Variants in SND1 observed in about 807,000 individuals in gnomAD.
The protein encoded by SND1 is staphylococcal nuclease and tudor domain containing 1, also known as staphylococcal nuclease domain-containing protein 1.
A neutral mutation model predicts 121.7 loss-of-function variants in SND1; 38 were observed. That is an observed-to-expected ratio of 0.31 (90% CI 0.24 to 0.41). The LOEUF (loss-of-function observed/expected upper bound fraction) is 0.41, where lower values mean the gene tolerates loss of function less well. SND1 is among the 10% of genes least tolerant of loss of function. SND1 has a pLI of 1.00. For synonymous variants in SND1, 401 were observed against 447.4 expected (o/e 0.90, Z 1.31); for missense variants, 868 against 1,184.6 (o/e 0.73, Z 3.92).
Position 127,701,281 on chromosome 7 carries a change from C to T in SND1, c.547C>T (p.Pro183Ser). Reference protein sequence around the residue: ...IRDLKYTIENPRHFVDSHHQK... With the variant: ...IRDLKYTIENSRHFVDSHHQK... ...GGATCTCAAGTATACCATTGAAAAC[C>T]CAAGGCACTTTGTGGACTCACACCA... Residue 183 changes from proline to serine, a missense_variant, in exon 5 of 24, where the codon CCA becomes TCA. By Grantham distance (74) the Pro-to-Ser change is moderately conservative. Transcript: ENST00000354725. 1.9e-6 allele frequency: 3 copies of T among 1,614,004 alleles called. No individual in the cohort carries two copies. Among genetic ancestry groups the T allele is most frequent in the Non-Finnish European group, 2.5e-6 (3 of 1,179,946 alleles).
intron 15 of SND1, among the ~76,000 whole-genome samples, chr7:127,975,457 G>A (rs1448858816): frequency 7.3e-6 from 1 of 136,970 alleles, no homozygotes; most frequent in Non-Finnish European, 1.6e-5. Flanking sequence ...GTGTGTGTGT[G>A]TAAGAGAGAT....
At chr7:127,707,520 G>A in intron 8 of SND1, 37 bp from the exon 9 acceptor site, 1 of 1,568,978 alleles carries the variant, frequency 6.4e-7, no homozygotes, top group Non-Finnish European at 8.8e-7. Context: ...TCCATTTGCT[G>A]AGTCTGAATG....
chr7:128,077,281 G>A (rs540128304), intron 17 of SND1, among the ~76,000 whole-genome samples: 15 of 152,346 alleles, frequency 9.8e-5, no homozygotes, highest in Admixed American at 9.1e-4. Context: ...CACCTGCCAA[G>A]AGAAGGACCT....
intron 16 of SND1, chr7:127,997,381 C>G (rs535061219): frequency 2.8e-4 from 78 of 274,778 alleles, no homozygotes; most frequent in Non-Finnish European, 5.1e-4. Context: ...GGCATGGATT[C>G]TGATCCTGAA....
intron 10 of SND1, among the ~76,000 whole-genome samples, chr7:127,764,447 A>G (rs1205890170): frequency 6.6e-6 from 1 of 152,182 alleles, no homozygotes; most frequent in Non-Finnish European, 1.5e-5. Flanking sequence ...CTCCATGCTC[A>G]TTAAGTTTGT....
chr7:128,073,937 G>C (rs921750858), intron 16 of SND1, among the ~76,000 whole-genome samples: 1 of 152,154 alleles, frequency 6.6e-6, no homozygotes, highest in East Asian at 1.9e-4. Context: ...TCCTTCTGCG[G>C]GATTGTCACT....
intron 12 of SND1, among the ~76,000 whole-genome samples, chr7:127,879,739 A>G (rs2116714847): frequency 6.6e-6 from 1 of 152,254 alleles, no homozygotes; most frequent in East Asian, 1.9e-4. Flanking sequence ...AAGGGAGTAG[A>G]GGCAGTTTTC....
Position 127,898,565 on chromosome 7 carries a change from A to G in SND1, c.1455-6182A>G, listed in dbSNP as rs139172197. On this transcript the variant is annotated intron_variant, in intron 13 of 23. Transcript: ENST00000354725. ...GATGTCTGTATTTGGTTCATGCTGA[A>G]AAACCATATTCCTCAATGTGACCTG... Among the ~76,000 whole-genome samples, 22 of 152,288 alleles carry G rather than the reference A, an allele frequency of 1.4e-4. No homozygotes were observed. The East Asian group carries it at 1.9e-3, about 13-fold the overall frequency.
chr7:127,889,048 T>G (rs1441920300), intron 13 of SND1, among the ~76,000 whole-genome samples: 1 of 152,106 alleles, frequency 6.6e-6, no homozygotes, highest in Non-Finnish European at 1.5e-5. Flanking sequence ...TCACACAGAA[T>G]GTCAGCCGAG....
chr7:127,941,894 T>G (rs886731578), intron 15 of SND1, among the ~76,000 whole-genome samples: 12 of 144,410 alleles, frequency 8.3e-5, no homozygotes, highest in South Asian at 2.3e-4. Flanking sequence ...AGGGAGTTTT[T>G]TTTTTTTTTT....
chr7:127,753,851 T>C (rs564128525), intron 10 of SND1, among the ~76,000 whole-genome samples: 21 of 152,328 alleles, frequency 1.4e-4, no homozygotes, highest in African/African-American at 4.6e-4. Context: ...TGATTACCGC[T>C]AAAATGGTTA....
At chr7:128,079,821 A>G (rs766173787) in intron 17 of SND1, among the ~76,000 whole-genome samples, 11 of 152,224 alleles carry the variant, frequency 7.2e-5, no homozygotes, top group Non-Finnish European at 1.0e-4. Flanking sequence ...GGCAAGTTCA[A>G]AAACAACAGG....
chr7:127,872,632 A>G (rs1279477406), intron 12 of SND1, among the ~76,000 whole-genome samples: 140 of 50,386 alleles, frequency 2.8e-3, no homozygotes, highest in South Asian at 4.4e-3. Flanking sequence ...ACACACGCAC[A>G]CACACACACA....
intron 12 of SND1, among the ~76,000 whole-genome samples, chr7:127,857,439 G>A (rs575925147): frequency 3.4e-5 from 5 of 145,648 alleles, no homozygotes; most frequent in East Asian, 2.0e-4. Flanking sequence ...TCCTGACCTC[G>A]TGATCCGCCC....
At position 128,058,878 on chromosome 7, in the gene SND1, C is replaced by A. The variant is rs115574226; in HGVS notation, c.1780-15624C>A. Among the ~76,000 whole-genome samples the A allele has an allele frequency of 5.1e-3, 773 of 152,222 alleles. 5 individuals are homozygous for A. Among genetic ancestry groups the A allele is most frequent in the African/African-American group, 0.018 (745 of 41,524 alleles). On this transcript the variant is annotated intron_variant, in intron 16 of 23. Transcript: ENST00000354725. ...AACCAGCCCCTGATTCCTCCATCCC[C>A]GATCTGTCTCAGCAGGTGGGTGGGC...
At chr7:127,918,394 T>C (rs138512679) in intron 14 of SND1, among the ~76,000 whole-genome samples, 87 of 152,270 alleles carry the variant, frequency 5.7e-4, no homozygotes, top group African/African-American at 1.4e-3. Flanking sequence ...AACAAAACCT[T>C]AGGCATATTT....
rs372345190 is a variant in SND1, at chr7:127,945,765, C to T, written c.1669+16436C>T. Among the ~76,000 whole-genome samples the T allele has an allele frequency of 2.8e-4, 43 of 152,288 alleles. No individual in the cohort carries two copies. The East Asian group carries it at 7.9e-3, about 28-fold the overall frequency. On this transcript the variant is annotated intron_variant, in intron 15 of 23. Transcript: ENST00000354725. ...CGTCTGAGTTTCTAATAATAGTTTT[C>T]ACTTAATGAGTACTTACATGCTGTG...
Position 127,839,776 on chromosome 7 carries a change from TAA to T in SND1, c.1243-4546_1243-4545del, listed in dbSNP as rs571407418. Among the ~76,000 whole-genome samples, 333 of 152,324 alleles carry T rather than the reference TAA, an allele frequency of 2.2e-3. 2 individuals carry two copies. Among genetic ancestry groups the T allele is most frequent in the Admixed American group, 3.9e-3 (59 of 15,292 alleles). On this transcript the variant is annotated intron_variant, in intron 11 of 23. Transcript: ENST00000354725. ...TACCTTTGAGAACCTCTTTGAGGAA[TAA>T]ATAATATGAGAAAGTATGTATGTTT...
At chr7:127,992,293 C>T in intron 16 of SND1, among the ~76,000 whole-genome samples, 1 of 152,100 alleles carries the variant, frequency 6.6e-6, no homozygotes, top group East Asian at 1.9e-4. Context: ...CACAATGCTG[C>T]CTGAATTTTT....
Sources: allele counts gnomAD v4.1 joint callset (sites outside exome capture counted in the v4.1 genomes callset), GRCh38; gene constraint gnomAD v4.1.1; transcripts MANE v1.5; gene names NCBI Gene and HGNC (gene_info 2026-07-23, HGNC 2026-07-21).